The following SKAP2 variants were observed in gnomAD, a reference collection of about 807,000 sequenced individuals.
SKAP2 encodes src kinase-associated phosphoprotein 2.
In SKAP2, 28 loss-of-function variants were observed where a neutral mutation model predicts 54.9. The observed-to-expected ratio is 0.51, with a 90% CI of 0.38 to 0.70. SKAP2 has a LOEUF of 0.70. SKAP2 is among the 30% of genes least tolerant of loss of function. The pLI is 0.00. For missense variants in SKAP2, 356 were observed against 424.1 expected, an observed-to-expected ratio of 0.84 and a Z score of 1.41; for synonymous variants, 137 against 134.3, an observed-to-expected ratio of 1.02 and a Z score of -0.14.
chr7:26,704,195 T>C (rs1562581222), intron 9 of SKAP2, among the ~76,000 whole-genome samples: 1 of 152,248 alleles, frequency 6.6e-6, no homozygotes, highest in Non-Finnish European at 1.5e-5. Flanking sequence ...GTCATGTTTG[T>C]AATGGCCACA....
In SKAP2 at chr7:26,821,010, G is replaced by A. The variant is rs560665383; in HGVS notation, c.307+23020C>T. 3.3e-5 allele frequency among the ~76,000 whole-genome samples: 5 copies of A among 152,222 alleles called. No individual in the cohort carries two copies. In the East Asian group the frequency reaches 7.7e-4, roughly 23 times the overall value. On this transcript the variant is annotated intron_variant, in intron 4 of 12. Transcript: ENST00000345317. ...TTAAACAGAAAATAATTTGTTCAAA[G>A]TCAGAGTGTCAAACCAGGATTAAAC...
intron 9 of SKAP2, among the ~76,000 whole-genome samples, chr7:26,697,232 A>G (rs893267781): frequency 4.6e-5 from 7 of 152,146 alleles, no homozygotes; most frequent in African/African-American, 1.7e-4. Context: ...ATTTCTGAAA[A>G]GTTATCTGCT....
chr7:26,725,795 T>C (rs1787693878), intron 8 of SKAP2, 128 bp downstream of exon 8: 3 of 845,636 alleles, frequency 3.5e-6, no homozygotes, highest in Non-Finnish European at 5.6e-6. Flanking sequence ...GTGGTCTGTA[T>C]TAATAACAGT....
At chr7:26,755,081 G>A (rs1045725962) in intron 4 of SKAP2, among the ~76,000 whole-genome samples, 2 of 152,112 alleles carry the variant, frequency 1.3e-5, no homozygotes, top group African/African-American at 4.8e-5. Flanking sequence ...AGACCATGAT[G>A]TACATTCTCA....
intron 4 of SKAP2, among the ~76,000 whole-genome samples, chr7:26,797,182 T>C (rs113591349): frequency 1.2e-3 from 177 of 152,356 alleles, no homozygotes; most frequent in Admixed American, 3.5e-3. Context: ...CACTGGCTAA[T>C]TGTAGAGCCC....
At chr7:26,806,656 T>A (rs191941246) in intron 4 of SKAP2, among the ~76,000 whole-genome samples, 17 of 152,298 alleles carry the variant, frequency 1.1e-4, no homozygotes, top group Admixed American at 3.9e-4. Context: ...TAAATACAAG[T>A]GCTGCTCTAG....
At chr7:26,661,205 A>G in the SKAP2 span, among the ~76,000 whole-genome samples, 1 of 152,118 alleles carries the variant, frequency 6.6e-6, no homozygotes, top group Non-Finnish European at 1.5e-5. Context: ...TTAAGGTTAC[A>G]TGTAACGAGG....
chr7:26,781,343 G>GA (rs1209274226), intron 4 of SKAP2, among the ~76,000 whole-genome samples: 3 of 149,412 alleles, frequency 2.0e-5, no homozygotes, highest in Admixed American at 6.7e-5. Context: ...AGTCTTTCTG[G>GA]AAAAAAAAAT....
intron 3 of SKAP2, among the ~76,000 whole-genome samples, chr7:26,849,552 G>A (rs1459329137): frequency 1.3e-5 from 2 of 151,982 alleles, no homozygotes; most frequent in Admixed American, 6.6e-5. Flanking sequence ...AGGCGTGGTG[G>A]TGGATGCCTG....
At chr7:26,840,081 T>A (rs914716886) in intron 4 of SKAP2, among the ~76,000 whole-genome samples, 6 of 152,084 alleles carry the variant, frequency 3.9e-5, no homozygotes, top group Non-Finnish European at 5.9e-5. Flanking sequence ...TAAAAAAAAA[T>A]TTCTTCACAC....
At chr7:26,658,853 G>C in the SKAP2 span, among the ~76,000 whole-genome samples, 1 of 149,876 alleles carries the variant, frequency 6.7e-6, no homozygotes, top group Non-Finnish European at 1.5e-5. Flanking sequence ...CTCCAAGTAG[G>C]AACAGATGAT....
At chr7:26,711,406 G>A (rs1367145059) in intron 9 of SKAP2, among the ~76,000 whole-genome samples, 1 of 152,184 alleles carries the variant, frequency 6.6e-6, no homozygotes, top group African/African-American at 2.4e-5. Flanking sequence ...AGTGAGATAT[G>A]TTAGAAAATA....
chr7:26,662,686 C>A (rs978744594), downstream of SKAP2, among the ~76,000 whole-genome samples: 1 of 152,134 alleles, frequency 6.6e-6, no homozygotes, highest in African/African-American at 2.4e-5. Flanking sequence ...AGCAAATATG[C>A]TGACCAACTG....
At chr7:26,680,365 A>G (rs1020844818) in intron 11 of SKAP2, among the ~76,000 whole-genome samples, 5 of 152,232 alleles carry the variant, frequency 3.3e-5, no homozygotes, top group African/African-American at 4.8e-5. Flanking sequence ...ACTGTTAGCT[A>G]TAATATTATG....
intron 4 of SKAP2, among the ~76,000 whole-genome samples, chr7:26,810,923 G>A (rs534710669): frequency 1.5e-4 from 23 of 152,158 alleles, no homozygotes; most frequent in African/African-American, 4.3e-4. Flanking sequence ...CTCATGATCC[G>A]CGCACCTCGG....
intron 9 of SKAP2, among the ~76,000 whole-genome samples, chr7:26,694,150 G>C (rs185554564): frequency 8.5e-4 from 129 of 152,160 alleles, no homozygotes; most frequent in Non-Finnish European, 2.2e-4. Flanking sequence ...TTATTTTGGT[G>C]TTGAGGCACA....
chr7:26,715,671 C>T (rs762722592), intron 9 of SKAP2, among the ~76,000 whole-genome samples: 6 of 151,978 alleles, frequency 3.9e-5, no homozygotes, highest in Admixed American at 1.3e-4. Context: ...CCCAGCTATT[C>T]GGAAGGCTAA....
intron 10 of SKAP2, among the ~76,000 whole-genome samples, chr7:26,687,241 C>T (rs1786667203): frequency 6.6e-6 from 1 of 150,748 alleles, no homozygotes; most frequent in African/African-American, 2.4e-5. Flanking sequence ...CCACCGTGTG[C>T]AAGATGCATC....
At chr7:26,830,497 G>A (rs898290678) in intron 4 of SKAP2, among the ~76,000 whole-genome samples, 2 of 151,924 alleles carry the variant, frequency 1.3e-5, no homozygotes, top group African/African-American at 4.8e-5. Flanking sequence ...AAATCAAAAT[G>A]ATCTCTTTTA....
Sources: allele counts gnomAD v4.1 joint callset (sites outside exome capture counted in the v4.1 genomes callset), GRCh38; gene constraint gnomAD v4.1.1; transcripts MANE v1.5; gene names NCBI Gene and HGNC (gene_info 2026-07-23, HGNC 2026-07-21).